The following LRRC4C variants were observed in gnomAD, a reference collection of about 807,000 sequenced individuals.
LRRC4C encodes leucine-rich repeat-containing protein 4C.
In LRRC4C, 5 loss-of-function variants were observed where a neutral mutation model predicts 33.6. The observed-to-expected ratio is 0.15, with a 90% CI of 0.08 to 0.31. The LOEUF (loss-of-function observed/expected upper bound fraction) is 0.31, where lower values mean the gene tolerates loss of function less well. LRRC4C is among the 10% of genes least tolerant of loss of function. The pLI is 1.00. For missense variants in LRRC4C, 560 were observed against 796.7 expected (o/e 0.70, Z 3.58); for synonymous variants, 329 against 302.0 (o/e 1.09, Z -0.93).
At chr11:41,257,410 C>G (rs949790073) in intron 1 of LRRC4C, among the ~76,000 whole-genome samples, 2 of 151,890 alleles carry the variant, frequency 1.3e-5, no homozygotes, top group Non-Finnish European at 2.9e-5. Context: ...GCACACTTAA[C>G]TTGGTTAATT....
At chr11:40,158,925 T>C (rs1316966398) in intron 5 of LRRC4C, among the ~76,000 whole-genome samples, 1 of 152,206 alleles carries the variant, frequency 6.6e-6, no homozygotes, top group African/African-American at 2.4e-5. Context: ...ACTTCCTGGT[T>C]GATTAAAATT....
At chr11:40,154,865 T>C (rs1858549134) in intron 5 of LRRC4C, among the ~76,000 whole-genome samples, 2 of 152,146 alleles carry the variant, frequency 1.3e-5, no homozygotes, top group Non-Finnish European at 1.5e-5. Context: ...CTTAAACGAA[T>C]ATACAGAATA....
Position 40,966,658 on chromosome 11 carries a change from T to C in LRRC4C, c.-495-32935A>G, listed in dbSNP as rs184076532. On this transcript the variant is annotated intron_variant, in intron 1 of 6. Coordinates refer to ENST00000528697, the MANE Select transcript of LRRC4C (RefSeq NM_001258419.2). The stretch of plus-strand genomic sequence containing the variant: ...ACTGGACCATCTGCCTGGGGTAGCC[T>C]CATGCCTCTGTCCTCATTAACAAGT... 5.8e-3 allele frequency among the ~76,000 whole-genome samples: 875 copies of C among 152,108 alleles called. 9 individuals carry two copies. Among genetic ancestry groups the C allele is most frequent in the African/African-American group, 0.02 (819 of 41,530 alleles).
At chr11:41,364,675 C>T (rs908650911) in intron 1 of LRRC4C, among the ~76,000 whole-genome samples, 7 of 152,108 alleles carry the variant, frequency 4.6e-5, no homozygotes, top group Admixed American at 3.9e-4. Flanking sequence ...GAGCTCAGAA[C>T]AAAATTTATT....
At chr11:40,729,818 A>G (rs1452723099) in intron 2 of LRRC4C, among the ~76,000 whole-genome samples, 1 of 152,204 alleles carries the variant, frequency 6.6e-6, no homozygotes, top group Non-Finnish European at 1.5e-5. Flanking sequence ...TATCATTTTT[A>G]TACTTAATAT....
intron 1 of LRRC4C, among the ~76,000 whole-genome samples, chr11:41,442,383 G>A (rs1955648374): frequency 6.7e-6 from 1 of 150,100 alleles, no homozygotes; most frequent in South Asian, 2.1e-4. Context: ...AAAAATAATG[G>A]CAAATTTCAA....
chr11:40,239,673 A>C (rs1865800541), intron 5 of LRRC4C, among the ~76,000 whole-genome samples: 1 of 152,298 alleles, frequency 6.6e-6, no homozygotes, highest in South Asian at 2.1e-4. Context: ...AATTCTGTTA[A>C]ATTTAAACTC....
chr11:41,035,559 C>T (rs114315993), intron 1 of LRRC4C, among the ~76,000 whole-genome samples: 142 of 152,218 alleles, frequency 9.3e-4, no homozygotes, highest in African/African-American at 3.2e-3. Context: ...AGGACATGAT[C>T]GTGTTCCTTT....
chr11:41,065,905 A>C (rs1938199687), intron 1 of LRRC4C, among the ~76,000 whole-genome samples: 1 of 152,220 alleles, frequency 6.6e-6, no homozygotes, highest in Admixed American at 6.5e-5. Context: ...AACCCCATCC[A>C]AAGGTCATCA....
At chr11:40,127,354 G>C (rs1286926967) in intron 6 of LRRC4C, among the ~76,000 whole-genome samples, 1 of 152,090 alleles carries the variant, frequency 6.6e-6, no homozygotes, top group Non-Finnish European at 1.5e-5. Flanking sequence ...ATGGAGGCGG[G>C]GCAGTGTTGG....
chr11:40,221,368 T>C (rs1864405673), intron 5 of LRRC4C, among the ~76,000 whole-genome samples: 2 of 152,172 alleles, frequency 1.3e-5, no homozygotes, highest in South Asian at 4.1e-4. Context: ...GTCTATCGGA[T>C]TGCCCAAAAT....
At chr11:41,405,439 T>A (rs968235334) in intron 1 of LRRC4C, among the ~76,000 whole-genome samples, 3 of 152,138 alleles carry the variant, frequency 2.0e-5, no homozygotes, top group Admixed American at 6.5e-5. Context: ...TAATTAATAT[T>A]CAATCTCTCC....
intron 4 of LRRC4C, among the ~76,000 whole-genome samples, chr11:40,314,392 A>T (rs1945472525): frequency 6.6e-6 from 1 of 152,102 alleles, no homozygotes; most frequent in Non-Finnish European, 1.5e-5. Flanking sequence ...CAAAAGAAAA[A>T]CAAAAAAACA....
intron 3 of LRRC4C, among the ~76,000 whole-genome samples, chr11:40,565,634 A>C (rs1386473001): frequency 6.6e-6 from 1 of 151,998 alleles, no homozygotes; most frequent in Non-Finnish European, 1.5e-5. Context: ...TCCTCACCCA[A>C]AGACTCTTTT....
In LRRC4C at chr11:40,635,715, C is replaced by A. The variant is rs1036584520; in HGVS notation, c.-270+12427G>T. Among the ~76,000 whole-genome samples, 3 of 140,824 alleles carry A rather than the reference C, an allele frequency of 2.1e-5. No individual in the cohort carries two copies. The South Asian group carries it at 6.8e-4, about 32-fold the overall frequency. The allele number at this position is 140,824 out of a possible 152,430, so 92.4% of individuals were successfully genotyped here. A position where few individuals can be genotyped will look rare whatever the true frequency, so the allele number is the denominator to read the frequency against. ...GCAGTGGCGCGATCTCGGCTCACTGCAAGCTCCGCCTCCCGGGTTCAGGCC... is the reference window on the plus strand; with the variant it reads ...GCAGTGGCGCGATCTCGGCTCACTGAAAGCTCCGCCTCCCGGGTTCAGGCC... On this transcript the variant is annotated intron_variant, in intron 3 of 6. Transcript: ENST00000528697.
At chr11:41,388,053 G>T (rs1953430781) in intron 1 of LRRC4C, among the ~76,000 whole-genome samples, 1 of 151,760 alleles carries the variant, frequency 6.6e-6, no homozygotes, top group Admixed American at 6.6e-5. Flanking sequence ...AGTAGAGAGT[G>T]AATTGAAATA....
At chr11:40,285,856 T>C (rs532187970) in intron 4 of LRRC4C, among the ~76,000 whole-genome samples, 1 of 152,276 alleles carries the variant, frequency 6.6e-6, no homozygotes, top group African/African-American at 2.4e-5. Context: ...TGATTTTGGG[T>C]TCTCAAGTCA....
intron 2 of LRRC4C, among the ~76,000 whole-genome samples, chr11:40,738,493 G>T (rs1045497979): frequency 6.6e-6 from 1 of 151,904 alleles, no homozygotes; most frequent in Non-Finnish European, 1.5e-5. Context: ...TCACTTTATA[G>T]CCAAAGTTTA....
At chr11:40,904,669 A>G (rs1956342100) in intron 2 of LRRC4C, among the ~76,000 whole-genome samples, 1 of 152,116 alleles carries the variant, frequency 6.6e-6, no homozygotes, top group South Asian at 2.1e-4. Flanking sequence ...CCCCCTCAAA[A>G]GGCAGGTCAC....
Sources: gnomAD v4.1 joint callset for allele counts (sites outside exome capture counted in the v4.1 genomes callset) on GRCh38, gnomAD v4.1.1 for gene constraint, MANE v1.5 for transcripts, NCBI Gene and HGNC (gene_info 2026-07-23, HGNC 2026-07-21) for gene names.